The following WWOX variants were observed in gnomAD, a reference collection of about 807,000 sequenced individuals.
The protein encoded by WWOX is WW domain containing oxidoreductase, also known as WW domain-containing oxidoreductase.
Under a neutral mutation model 46.2 loss-of-function variants are expected in WWOX, and 69 were observed. The ratio of observed to expected loss-of-function variants is 1.49; its 90% CI spans 1.23 to 1.82. The LOEUF (loss-of-function observed/expected upper bound fraction) is 1.82, where lower values mean the gene tolerates loss of function less well. Among genes scored for constraint, WWOX ranks in the 40% most tolerant of loss-of-function variants. The pLI is 0.00. For missense variants in WWOX, 919 were observed against 542.6 expected (o/e 1.69, Z -6.89); for synonymous variants, 359 against 202.6 (o/e 1.77, Z -6.56).
chr16:78,122,432 T>G (rs1315884540), intron 4 of WWOX, among the ~76,000 whole-genome samples: 1 of 152,102 alleles, frequency 6.6e-6, no homozygotes, highest in Non-Finnish European at 1.5e-5. Flanking sequence ...AACCCATAAT[T>G]AAAAAAATTA....
At chr16:78,683,590 C>CAA (rs2047782223) in intron 8 of WWOX, among the ~76,000 whole-genome samples, 1 of 151,374 alleles carries the variant, frequency 6.6e-6, no homozygotes, top group Admixed American at 6.6e-5. Context: ...AAAATAGAGA[C>CAA]AAAGTCTCGC....
At chr16:78,354,064 C>T (rs1334817430) in intron 5 of WWOX, among the ~76,000 whole-genome samples, 3 of 152,158 alleles carry the variant, frequency 2.0e-5, no homozygotes, top group East Asian at 1.9e-4. Context: ...AGCTTGTTTG[C>T]ACCTTTTAAT....
intron 8 of WWOX, among the ~76,000 whole-genome samples, chr16:78,523,392 G>C (rs1213442257): frequency 6.6e-6 from 1 of 152,204 alleles, no homozygotes; most frequent in Non-Finnish European, 1.5e-5. Context: ...GGCTCTATAA[G>C]AGAGGAAGTA....
intron 8 of WWOX, among the ~76,000 whole-genome samples, chr16:78,590,293 A>G (rs1361606710): frequency 2.6e-5 from 4 of 152,200 alleles, no homozygotes; most frequent in Non-Finnish European, 4.4e-5. Context: ...TATCCTTCAA[A>G]AAGGCACCAC....
At chr16:78,367,514 AG>A (rs997240182) in intron 5 of WWOX, among the ~76,000 whole-genome samples, 1 of 152,186 alleles carries the variant, frequency 6.6e-6, no homozygotes, top group Non-Finnish European at 1.5e-5. Flanking sequence ...GGAAGCCAAA[AG>A]ATTGGACACC....
At chr16:78,274,476 G>A (rs2079540899) in intron 5 of WWOX, among the ~76,000 whole-genome samples, 1 of 152,132 alleles carries the variant, frequency 6.6e-6, no homozygotes, top group African/African-American at 2.4e-5. Context: ...GAGTTAAGCA[G>A]GACACCTAGA....
rs1166130830 is a variant in WWOX at position 78,207,374 on chromosome 16, CATATCCCTG to C, written c.516+43089_516+43097del. Among the ~76,000 whole-genome samples, 4 of 152,162 alleles carry C rather than the reference CATATCCCTG, an allele frequency of 2.6e-5. No individual in the cohort carries two copies. The East Asian group carries it at 5.8e-4, about 22-fold the overall frequency. On this transcript the variant is annotated intron_variant, in intron 5 of 8. Transcript: ENST00000566780. Reference sequence around the variant, plus strand: ...TTGATTCAAGTGTATACATAATTTTCATATCCCTGATAGATATTGCCAAATATTTACCAG... The same window carrying C: ...TTGATTCAAGTGTATACATAATTTTCATAGATATTGCCAAATATTTACCAG...
At chr16:78,776,511 G>A (rs185388563) in intron 8 of WWOX, among the ~76,000 whole-genome samples, 4 of 152,202 alleles carry the variant, frequency 2.6e-5, no homozygotes, top group East Asian at 1.9e-4. Context: ...AAGTGTTTAG[G>A]AAACCTTGAC....
chr16:78,983,215 G>A (rs117702640), intron 8 of WWOX, among the ~76,000 whole-genome samples: 37 of 152,164 alleles, frequency 2.4e-4, no homozygotes, highest in African/African-American at 6.7e-4. Flanking sequence ...CATAGACCAC[G>A]GACACTCAAA....
intron 5 of WWOX, among the ~76,000 whole-genome samples, chr16:78,178,910 A>G (rs987536986): frequency 3.0e-4 from 46 of 151,422 alleles, no homozygotes; most frequent in African/African-American, 1.0e-3. Flanking sequence ...TCTCTTCGGG[A>G]TGGTTTACCT....
At chr16:78,764,990 T>A (rs2049893693) in intron 8 of WWOX, among the ~76,000 whole-genome samples, 1 of 152,168 alleles carries the variant, frequency 6.6e-6, no homozygotes, top group Admixed American at 6.5e-5. Context: ...ACTTAAGATA[T>A]GGTTGAGGGA....
At chr16:79,031,289 C>T (rs2047748851) in intron 8 of WWOX, among the ~76,000 whole-genome samples, 1 of 152,100 alleles carries the variant, frequency 6.6e-6, no homozygotes, top group African/African-American at 2.4e-5. Context: ...TGGTGGGTGA[C>T]TCCCTGGGGA....
chr16:78,815,504 A>G (rs58999333), intron 8 of WWOX, among the ~76,000 whole-genome samples: 37,298 of 152,076 alleles, frequency 0.25, 4,938 homozygotes, highest in African/African-American at 0.35. Context: ...TGAGTGTACC[A>G]TCTGCCTCTT....
intron 8 of WWOX, among the ~76,000 whole-genome samples, chr16:78,859,038 ATATATATATATGTATATAT>A (rs2052649843): frequency 4.1e-5 from 1 of 24,638 alleles, no homozygotes; most frequent in Non-Finnish European, 1.1e-4. Context: ...ATATATATAT[ATATATATATATGTATATAT>A]ATATATATAT....
At chr16:78,887,692 T>G (rs1194069737) in intron 8 of WWOX, among the ~76,000 whole-genome samples, 1 of 152,220 alleles carries the variant, frequency 6.6e-6, no homozygotes, top group Admixed American at 6.5e-5. Context: ...CCCCCAGGTC[T>G]TTTAAAGATA....
intron 8 of WWOX, among the ~76,000 whole-genome samples, chr16:78,546,533 G>A (rs773050599): frequency 2.0e-5 from 3 of 152,140 alleles, no homozygotes; most frequent in Non-Finnish European, 4.4e-5. Flanking sequence ...GATTATTTAC[G>A]ATTCCATTGT....
chr16:78,915,443 A>G (rs2045225759), intron 8 of WWOX, among the ~76,000 whole-genome samples: 1 of 152,192 alleles, frequency 6.6e-6, no homozygotes, highest in Admixed American at 6.5e-5. Context: ...TCGACTTAAT[A>G]TGACTTGATT....
intron 5 of WWOX, among the ~76,000 whole-genome samples, chr16:78,269,444 C>G (rs1315800702): frequency 6.6e-6 from 1 of 152,148 alleles, no homozygotes; most frequent in Non-Finnish European, 1.5e-5. Flanking sequence ...AGCAGCCATT[C>G]TGGTTTGACT....
At chr16:78,938,225 C>T (rs1247752546) in intron 8 of WWOX, among the ~76,000 whole-genome samples, 2 of 152,204 alleles carry the variant, frequency 1.3e-5, no homozygotes, top group Admixed American at 6.5e-5. Flanking sequence ...GACTTCCACA[C>T]ACCTGGACGT....
Sources: gnomAD v4.1 joint callset for allele counts (sites outside exome capture counted in the v4.1 genomes callset) on GRCh38, gnomAD v4.1.1 for gene constraint, MANE v1.5 for transcripts, NCBI Gene and HGNC (gene_info 2026-07-23, HGNC 2026-07-21) for gene names.